The following IGSF11 variants were observed in gnomAD, a reference collection of about 807,000 sequenced individuals.
IGSF11 encodes immunoglobulin superfamily member 11.
IGSF11 carries 22 observed loss-of-function variants against 41.0 expected under a neutral mutation model. The ratio of observed to expected loss-of-function variants is 0.54; its 90% CI spans 0.38 to 0.77. The LOEUF (loss-of-function observed/expected upper bound fraction) is 0.77. Ranked by LOEUF, IGSF11 falls within the 30% of genes least tolerant of loss-of-function variation. The pLI, the probability that IGSF11 is intolerant of heterozygous loss-of-function variation, is 0.00. For missense variants in IGSF11, 444 were observed against 530.8 expected, an observed-to-expected ratio of 0.84 and a Z score of 1.61; for synonymous variants, 219 against 201.3, an observed-to-expected ratio of 1.09 and a Z score of -0.74.
At position 118,922,409 on chromosome 3, in the gene IGSF11, T is replaced by TTG. The variant is rs59598173; in HGVS notation, c.580+3690_580+3691dup. ...TGTCAATCACATCACATAACTACCT[T>TTG]TGTGTGTGTGTGTGTGTGTGGCTGG... On this transcript the variant is annotated intron_variant, in intron 4 of 6. Transcript: ENST00000393775. Among the ~76,000 whole-genome samples the TTG allele has an allele frequency of 2.7e-3, 407 of 149,806 alleles. 2 individuals carry two copies. The highest frequency in any genetic ancestry group is 6.0e-3 in the Admixed American group (90 of 15,038).
intron 1 of IGSF11, among the ~76,000 whole-genome samples, chr3:118,961,233 G>A (rs1945312501): frequency 6.6e-6 from 1 of 152,204 alleles, no homozygotes; most frequent in African/African-American, 2.4e-5. Flanking sequence ...CTGGTCCTAG[G>A]CTTCTTTGAA....
intron 1 of IGSF11, among the ~76,000 whole-genome samples, chr3:118,939,292 C>A (rs868253281): frequency 6.6e-6 from 1 of 151,448 alleles, no homozygotes; most frequent in African/African-American, 2.4e-5. Flanking sequence ...TAAATCACTT[C>A]GGGCCAGGTG....
At chr3:119,026,938 G>A (rs1215891541) in intron 1 of IGSF11, among the ~76,000 whole-genome samples, 1 of 152,122 alleles carries the variant, frequency 6.6e-6, no homozygotes, top group East Asian at 1.9e-4. Context: ...ACAGTCATTT[G>A]CGGCCAATGA....
chr3:118,907,571 C>T lies in IGSF11; in HGVS notation c.581-1853G>A, dbSNP rs564780899. ...AAATTGCCAGGCACACAGAAAGGTG[C>T]TAAATAAAAGTGATCAATAAATAAA... On this transcript the variant is annotated intron_variant, in intron 4 of 6. Coordinates refer to ENST00000393775, the MANE Select transcript of IGSF11 (RefSeq NM_001015887.3). Among the ~76,000 whole-genome samples the T allele has an allele frequency of 1.8e-4, 27 of 152,216 alleles. 1 individual carries two copies. In the South Asian group the frequency reaches 5.6e-3, roughly 32 times the overall value.
At chr3:119,080,644 G>A (rs1865609) in intron 1 of IGSF11, among the ~76,000 whole-genome samples, 68,284 of 151,904 alleles carry the variant, frequency 0.45, 15,467 homozygotes, top group Admixed American at 0.53. Flanking sequence ...GGGGAACAGG[G>A]AAGTCTATGT....
At chr3:118,903,305 A>G (rs1939145155) in intron 6 of IGSF11, among the ~76,000 whole-genome samples, 1 of 151,920 alleles carries the variant, frequency 6.6e-6, no homozygotes, top group Non-Finnish European at 1.5e-5. Context: ...TAGTAAATAT[A>G]TAACAAATCT....
In IGSF11 at chr3:118,963,671, T is replaced by C. The variant is rs191839559; in HGVS notation, c.53-33396A>G. Reference sequence around the variant, plus strand: ...AGAACCTAAAAGCACTAGATTCCTATTGTTAGATGTATTCAGAAATACTTA... The same window carrying C: ...AGAACCTAAAAGCACTAGATTCCTACTGTTAGATGTATTCAGAAATACTTA... On this transcript the variant is annotated intron_variant, in intron 1 of 6. Coordinates refer to ENST00000393775, the MANE Select transcript of IGSF11 (RefSeq NM_001015887.3). 3.6e-3 allele frequency among the ~76,000 whole-genome samples: 541 copies of C among 152,312 alleles called. 2 individuals carry two copies. Among genetic ancestry groups the C allele is most frequent in the African/African-American group, 0.012 (504 of 41,562 alleles).
chr3:119,144,445 A>G (rs1387913641), intron 1 of IGSF11, among the ~76,000 whole-genome samples: 1 of 152,230 alleles, frequency 6.6e-6, no homozygotes, highest in African/African-American at 2.4e-5. Flanking sequence ...AAACCATACA[A>G]TGTATCTTCT....
chr3:118,966,656 A>G (rs558554389), intron 1 of IGSF11, among the ~76,000 whole-genome samples: 1 of 152,336 alleles, frequency 6.6e-6, no homozygotes, highest in African/African-American at 2.4e-5. Flanking sequence ...GCACAAAGGC[A>G]ACATTACGAC....
At chr3:119,076,894 T>A (rs2076509083) in intron 1 of IGSF11, among the ~76,000 whole-genome samples, 1 of 152,136 alleles carries the variant, frequency 6.6e-6, no homozygotes, top group Admixed American at 6.5e-5. Context: ...AGAAATACCA[T>A]TTGACCCAGC....
chr3:118,930,832 T>C (rs1456330147), intron 1 of IGSF11, among the ~76,000 whole-genome samples: 4 of 152,210 alleles, frequency 2.6e-5, no homozygotes, highest in Non-Finnish European at 5.9e-5. Context: ...GATTCAGAGC[T>C]AGCCCAGTCA....
At chr3:118,908,206 C>A (rs1179508490) in intron 4 of IGSF11, among the ~76,000 whole-genome samples, 2 of 152,166 alleles carry the variant, frequency 1.3e-5, no homozygotes, top group Non-Finnish European at 2.9e-5. Context: ...AAGAGGTAAA[C>A]TGTAAAGACT....
chr3:119,105,757 G>A (rs1466751505), upstream of IGSF11, among the ~76,000 whole-genome samples: 1 of 152,118 alleles, frequency 6.6e-6, no homozygotes, highest in Non-Finnish European at 1.5e-5. Flanking sequence ...CAATCTGGAT[G>A]AGCACTCCCA....
Position 118,901,384 on chromosome 3 carries a change from A to C in IGSF11, c.*1136T>G, listed in dbSNP as rs1223315540. 6.6e-6 allele frequency: 1 copy of C among 152,198 alleles called. No individual in the cohort carries two copies. Among genetic ancestry groups the C allele is most frequent in the Non-Finnish European group, 1.5e-5 (1 of 68,030 alleles). 9.4% of individuals were successfully genotyped at this position (152,198 alleles called of 1,614,324 possible). On this transcript the variant is annotated 3_prime_UTR_variant, in exon 7 of 7. Transcript: ENST00000393775. ...ACCAGAAGATAACACCTTTAGTCTC[A>C]GTCTTACCTCTTTTGCAAAAAGCAT...
chr3:119,006,872 TCAGA>T (rs1172845396), intron 1 of IGSF11, among the ~76,000 whole-genome samples: 8 of 143,548 alleles, frequency 5.6e-5, no homozygotes, highest in Admixed American at 7.0e-5. Context: ...TTCAAAGCTG[TCAGA>T]CAGGGACATT....
At chr3:119,032,887 A>C (rs1382619044) in intron 1 of IGSF11, among the ~76,000 whole-genome samples, 5 of 152,222 alleles carry the variant, frequency 3.3e-5, no homozygotes, top group Non-Finnish European at 5.9e-5. Context: ...TCCCCACCAG[A>C]TACTCAAAAG....
At chr3:119,118,832 A>C (rs1276730688) in intron 1 of IGSF11, among the ~76,000 whole-genome samples, 1 of 152,110 alleles carries the variant, frequency 6.6e-6, no homozygotes, top group Non-Finnish European at 1.5e-5. Flanking sequence ...GATACCCCTA[A>C]ATCATCTCTC....
At chr3:119,080,049 G>A (rs1051106812) in intron 1 of IGSF11, among the ~76,000 whole-genome samples, 1 of 151,994 alleles carries the variant, frequency 6.6e-6, no homozygotes, top group Middle Eastern at 3.2e-3. Flanking sequence ...AAAGTTGGAA[G>A]GAAATAAAAA....
At chr3:118,935,059 A>C (rs1943137607) in intron 1 of IGSF11, among the ~76,000 whole-genome samples, 1 of 151,962 alleles carries the variant, frequency 6.6e-6, no homozygotes, top group South Asian at 2.1e-4. Context: ...AGAGTCTCAC[A>C]AAGTAGTGTC....
Sources: allele counts gnomAD v4.1 joint callset (sites outside exome capture counted in the v4.1 genomes callset), GRCh38; gene constraint gnomAD v4.1.1; transcripts MANE v1.5; gene names NCBI Gene and HGNC (gene_info 2026-07-23, HGNC 2026-07-21).